Variants in MYCBP2 observed in about 807,000 individuals in gnomAD.
MYCBP2 encodes the protein E3 ubiquitin-protein ligase MYCBP2.
A neutral mutation model predicts 525.3 loss-of-function variants in MYCBP2; 120 were observed. The observed-to-expected ratio is 0.23, with a 90% CI of 0.20 to 0.27. The LOEUF (loss-of-function observed/expected upper bound fraction) is 0.27. Ranked by LOEUF, MYCBP2 falls within the 10% of genes least tolerant of loss-of-function variation. The pLI is 1.00. For synonymous variants in MYCBP2, 1,894 were observed against 1,955.8 expected, an observed-to-expected ratio of 0.97 and a Z score of 0.83; for missense variants, 4,149 against 5,657.1, an observed-to-expected ratio of 0.73 and a Z score of 8.55.
At chr13:77,245,744 A>AACACAC (rs71102727) in intron 15 of MYCBP2, among the ~76,000 whole-genome samples, 68 of 143,170 alleles carry the variant, frequency 4.7e-4, no homozygotes, top group African/African-American at 1.5e-3. Context: ...AACGTAAAGT[A>AACACAC]ACACACACAC....
chr13:77,202,351 T>C (rs1003871851), intron 26 of MYCBP2, among the ~76,000 whole-genome samples: 1 of 152,088 alleles, frequency 6.6e-6, no homozygotes, highest in African/African-American at 2.4e-5. Flanking sequence ...CAGGAAGAAG[T>C]TGAATCTCTG....
rs776898773 is a variant in MYCBP2, at chr13:77,150,781, G to A, written c.7084C>T (p.Pro2362Ser). Residue 2362 changes from proline (P) to serine (S), a missense_variant, in exon 47 of 83, where the codon CCA becomes TCA. This residue lies in a region of MYCBP2 where 692 missense variants were observed against 852.7 expected (regional missense o/e 0.81). Coordinates refer to ENST00000544440, the MANE Select transcript of MYCBP2 (RefSeq NM_015057.5). ...ASPKLDVSYEPMIVKEARYIA... is the reference protein window; with the variant it reads ...ASPKLDVSYESMIVKEARYIA... Reference sequence around the variant, plus strand: ...TATCGAGCTTCCTTCACTATCATTGGTTCATATGAAACATCTAGCTTTGGT... The same window carrying A: ...TATCGAGCTTCCTTCACTATCATTGATTCATATGAAACATCTAGCTTTGGT... The A allele has an allele frequency of 5.6e-6, 9 of 1,613,884 alleles. No homozygotes were observed. Among genetic ancestry groups the A allele is most frequent in the Admixed American group, 3.3e-5 (2 of 59,990 alleles).
intron 36 of MYCBP2, among the ~76,000 whole-genome samples, chr13:77,174,844 A>T (rs1221588230): frequency 8.3e-6 from 1 of 120,116 alleles, no homozygotes. Flanking sequence ...AGGTCTGAAC[A>T]CAACCAATGT....
chr13:77,238,845 C>T (rs1021001578), intron 17 of MYCBP2, among the ~76,000 whole-genome samples: 1 of 152,134 alleles, frequency 6.6e-6, no homozygotes, highest in African/African-American at 2.4e-5. Context: ...AGAACTAGGG[C>T]CCAGGCCGAG....
chr13:77,320,783 A>T (rs1320232259), intron 1 of MYCBP2, among the ~76,000 whole-genome samples: 2 of 152,182 alleles, frequency 1.3e-5, no homozygotes, highest in East Asian at 3.8e-4. Context: ...TTGCTAAAAA[A>T]TTTTCTAATG....
intron 54 of MYCBP2, among the ~76,000 whole-genome samples, chr13:77,124,418 A>G (rs1233531930): frequency 6.6e-6 from 1 of 152,188 alleles, no homozygotes; most frequent in East Asian, 1.9e-4. Context: ...ATAAAGATGC[A>G]TGTTCTCTTA....
At chr13:77,243,747 G>A (rs1316344915) in intron 16 of MYCBP2, 59 bp downstream of exon 16, 1 of 1,469,958 alleles carries the variant, frequency 6.8e-7, no homozygotes, top group African/African-American at 1.4e-5. Flanking sequence ...TGTTTAAACT[G>A]TCAGACTTAC....
chr13:77,045,267 C>T lies in MYCBP2; in HGVS notation c.*111G>A, dbSNP rs1460784334. 4.8e-6 allele frequency: 3 copies of T among 630,928 alleles called. No homozygotes were observed. Among genetic ancestry groups the T allele is most frequent in the African/African-American group, 3.6e-5 (2 of 54,884 alleles). The allele number at this position is 630,928 out of a possible 1,614,324, so 39.1% of individuals were successfully genotyped here. On this transcript the variant is annotated 3_prime_UTR_variant, in exon 83 of 83. Coordinates refer to ENST00000544440, the MANE Select transcript of MYCBP2 (RefSeq NM_015057.5). Reference sequence around the variant, plus strand: ...TCTTGCACTGTGAATGGTTCATTTTCATGGATGTAAAAATGGTCCCGTCCT... The same window carrying T: ...TCTTGCACTGTGAATGGTTCATTTTTATGGATGTAAAAATGGTCCCGTCCT...
At chr13:77,222,299 C>A (rs907185302) in intron 20 of MYCBP2, among the ~76,000 whole-genome samples, 3 of 152,186 alleles carry the variant, frequency 2.0e-5, no homozygotes, top group African/African-American at 7.2e-5. Flanking sequence ...CCAAACACAT[C>A]TTTTGCTCTT....
At position 77,242,937 on chromosome 13, in the gene MYCBP2, T is replaced by C. The variant is rs1052412570; in HGVS notation, c.2629+122A>G. On this transcript the variant is annotated intron_variant, in intron 17 of 82. Coordinates refer to ENST00000544440, the MANE Select transcript of MYCBP2 (RefSeq NM_015057.5). ...TCCCATTATATGAGTTATCAGAATATTGCTAATTTTAATTTTGATGATTTC... is the reference window on the plus strand; with the variant it reads ...TCCCATTATATGAGTTATCAGAATACTGCTAATTTTAATTTTGATGATTTC... 9.2e-6 allele frequency: 7 copies of C among 758,300 alleles called. No homozygotes were observed. In the Admixed American group the frequency reaches 1.3e-4, roughly 14 times the overall value. The allele number at this position is 758,300 out of a possible 1,614,324, so 47.0% of individuals were successfully genotyped here. A position where few individuals can be genotyped will look rare whatever the true frequency, so the allele number is the denominator to read the frequency against.
At chr13:77,170,640 G>T (rs529191520) in intron 38 of MYCBP2, among the ~76,000 whole-genome samples, 2 of 150,654 alleles carry the variant, frequency 1.3e-5, no homozygotes, top group African/African-American at 2.4e-5. Context: ...GCAGTGGTGC[G>T]ATCTCGGCTC....
chr13:77,218,503 T>G (rs1594029230), intron 20 of MYCBP2, among the ~76,000 whole-genome samples: 1 of 152,152 alleles, frequency 6.6e-6, no homozygotes, highest in South Asian at 2.1e-4. Flanking sequence ...GACTGGCTGG[T>G]TGTGAATCCT....
intron 67 of MYCBP2, 142 bp from the exon 68 acceptor site, chr13:77,076,991 C>T (rs2042427161): frequency 8.8e-7 from 1 of 1,140,784 alleles, no homozygotes; most frequent in African/African-American, 1.6e-5. Flanking sequence ...ATTACAAATG[C>T]AACATGGAAC....
At chr13:77,294,862 A>G (rs1157936636) in intron 2 of MYCBP2, among the ~76,000 whole-genome samples, 2 of 152,188 alleles carry the variant, frequency 1.3e-5, no homozygotes, top group Non-Finnish European at 2.9e-5. Context: ...CATGTGGCCT[A>G]TTCACCAGGG....
intron 55 of MYCBP2, among the ~76,000 whole-genome samples, chr13:77,109,107 C>T (rs2048346496): frequency 6.6e-6 from 1 of 152,144 alleles, no homozygotes; most frequent in East Asian, 1.9e-4. Flanking sequence ...GAAACTGTTC[C>T]ATTGTTTCCT....
In MYCBP2 at chr13:77,135,823, T is replaced by A. The variant is rs188466524; in HGVS notation, c.7659+3373A>T. 8.5e-5 allele frequency among the ~76,000 whole-genome samples: 13 copies of A among 152,140 alleles called. No homozygotes were observed. In the East Asian group the frequency reaches 2.3e-3, roughly 27 times the overall value. On this transcript the variant is annotated intron_variant, in intron 52 of 82. Transcript: ENST00000544440. ...ACCCCTTCCTCCAATGGTAAACACATTGTTTTTATCTTTTTTTTCTTTTTT... is the reference window on the plus strand; with the variant it reads ...ACCCCTTCCTCCAATGGTAAACACAATGTTTTTATCTTTTTTTTCTTTTTT...
At chr13:77,103,981 A>G (rs2047470280) in intron 55 of MYCBP2, among the ~76,000 whole-genome samples, 1 of 152,126 alleles carries the variant, frequency 6.6e-6, no homozygotes, top group Non-Finnish European at 1.5e-5. Flanking sequence ...AGGAACGTCA[A>G]TGATTTACTA....
rs1327901065 is a variant in MYCBP2, at chr13:77,047,980, G to A, written c.13922-2487C>T. Among the ~76,000 whole-genome samples, 7 of 152,168 alleles carry A rather than the reference G, an allele frequency of 4.6e-5. No individual in the cohort carries two copies. The South Asian group carries it at 6.2e-4, about 14-fold the overall frequency. On this transcript the variant is annotated intron_variant, in intron 82 of 82. Transcript: ENST00000544440. ...TTCTTCTTTTGCTTATTAAACTTTC[G>A]CTCTAACCTCACCTTTGTATCTGTG...
intron 21 of MYCBP2, among the ~76,000 whole-genome samples, chr13:77,212,848 C>A (rs1330346446): frequency 6.6e-6 from 1 of 152,120 alleles, no homozygotes; most frequent in Non-Finnish European, 1.5e-5. Context: ...AAGCCTGTAG[C>A]TGAAAAAGAA....
Sources: gnomAD v4.1 joint callset for allele counts (sites outside exome capture counted in the v4.1 genomes callset) on GRCh38, gnomAD v4.1.1 for gene constraint, gnomAD v4.1.1 regional missense constraint, MANE v1.5 for transcripts, NCBI Gene and HGNC (gene_info 2026-07-23, HGNC 2026-07-21) for gene names.